DKK2: variants seen among roughly 807,000 people sequenced by gnomAD.
The protein encoded by DKK2 is dickkopf Wnt signaling pathway inhibitor 2.
Under a neutral mutation model 28.1 loss-of-function variants are expected in DKK2, and 11 were observed. The observed-to-expected ratio is 0.39, with a 90% confidence interval of 0.25 to 0.65. The LOEUF (loss-of-function observed/expected upper bound fraction) is 0.65. Among genes scored for constraint, DKK2 ranks in the 30% least tolerant of loss-of-function variants. The probability of loss-of-function intolerance (pLI) is 0.47; values close to 1 mark genes in which losing one functional copy is unlikely to be tolerated. For synonymous variants in DKK2, 135 were observed against 126.5 expected, an observed-to-expected ratio of 1.07 and a Z score of -0.45; for missense variants, 326 against 335.5, an observed-to-expected ratio of 0.97 and a Z score of 0.22.
intron 1 of DKK2, among the ~76,000 whole-genome samples, chr4:106,934,718 T>G (rs1286454189): frequency 6.6e-6 from 1 of 152,238 alleles, no homozygotes; most frequent in Non-Finnish European, 1.5e-5. Flanking sequence ...ACTCTGCTTT[T>G]GAAGAAACAG....
chr4:106,927,734 C>G (rs1418368305), intron 1 of DKK2, among the ~76,000 whole-genome samples: 2 of 152,106 alleles, frequency 1.3e-5, no homozygotes, highest in African/African-American at 2.4e-5. Flanking sequence ...GCATTTTACC[C>G]CCTTCACATT....
At chr4:107,016,819 C>T (rs1048699246) in intron 1 of DKK2, among the ~76,000 whole-genome samples, 1 of 151,750 alleles carries the variant, frequency 6.6e-6, no homozygotes, top group Non-Finnish European at 1.5e-5. Flanking sequence ...ACCATGGGTG[C>T]AGCAGGTTTG....
intron 1 of DKK2, among the ~76,000 whole-genome samples, chr4:106,993,772 T>C (rs1368034335): frequency 6.6e-6 from 1 of 152,226 alleles, no homozygotes; most frequent in Non-Finnish European, 1.5e-5. Flanking sequence ...TTATGAATGT[T>C]GTGAATAATA....
intron 1 of DKK2, among the ~76,000 whole-genome samples, chr4:106,983,888 CAAATT>C (rs1338942108): frequency 6.6e-6 from 1 of 152,066 alleles, no homozygotes; most frequent in East Asian, 1.9e-4. Context: ...TAGGGAAATG[CAAATT>C]AAAACCACAA....
chr4:106,958,852 A>AG lies in DKK2; in HGVS notation c.223-32904_223-32903insC, dbSNP rs1363764324. On this transcript the variant is annotated intron_variant, in intron 1 of 3. Coordinates refer to ENST00000285311, the MANE Select transcript of DKK2 (RefSeq NM_014421.3). ...AACTCAATCTCAAAAAAAAAAAAAA[A>AG]AAAGAAAGAAAGAAAGAAAACATAA... Among the ~76,000 whole-genome samples, 1,460 of 147,534 alleles carry AG rather than the reference A, an allele frequency of 9.9e-3. 12 individuals are homozygous for AG. Among genetic ancestry groups the AG allele is most frequent in the Middle Eastern group, 0.018 (5 of 282 alleles).
At chr4:106,990,808 C>T (rs1024568930) in intron 1 of DKK2, among the ~76,000 whole-genome samples, 21 of 151,944 alleles carry the variant, frequency 1.4e-4, no homozygotes, top group Non-Finnish European at 2.5e-4. Context: ...CCTCCTATGG[C>T]ACTGAATAGA....
chr4:106,929,764 A>G (rs922813742), intron 1 of DKK2, among the ~76,000 whole-genome samples: 1 of 152,198 alleles, frequency 6.6e-6, no homozygotes, highest in African/African-American at 2.4e-5. Context: ...TATTTTTTAA[A>G]GTCTGTTTCC....
At chr4:106,924,319 C>A in intron 3 of DKK2, 115 bp from the exon 4 acceptor site, 1 of 1,400,178 alleles carries the variant, frequency 7.1e-7, no homozygotes, top group Non-Finnish European at 9.5e-7. Flanking sequence ...ATGTTGTTAC[C>A]ATTTATAATG....
At chr4:107,007,774 G>A (rs1723457835) in intron 1 of DKK2, among the ~76,000 whole-genome samples, 1 of 152,088 alleles carries the variant, frequency 6.6e-6, no homozygotes, top group South Asian at 2.1e-4. Context: ...TGTGGCCTGG[G>A]CATTAGGTGA....
chr4:106,974,786 G>C (rs554986947), intron 1 of DKK2, among the ~76,000 whole-genome samples: 2 of 152,150 alleles, frequency 1.3e-5, no homozygotes, highest in African/African-American at 4.8e-5. Flanking sequence ...ATGTTGACTA[G>C]GAGTGGTGAG....
intron 1 of DKK2, among the ~76,000 whole-genome samples, chr4:106,940,518 A>C (rs1724678496): frequency 6.6e-6 from 1 of 150,684 alleles, no homozygotes; most frequent in Admixed American, 6.6e-5. Flanking sequence ...GTGGGACCGT[A>C]AACTAGTTCA....
intron 1 of DKK2, among the ~76,000 whole-genome samples, chr4:106,969,646 T>C (rs1332345830): frequency 3.3e-5 from 5 of 152,058 alleles, no homozygotes; most frequent in Non-Finnish European, 7.4e-5. Context: ...GCTTTTGATA[T>C]TTATTTTGAG....
chr4:106,936,967 C>T (rs899952787), intron 1 of DKK2, among the ~76,000 whole-genome samples: 3 of 151,780 alleles, frequency 2.0e-5, no homozygotes, highest in Non-Finnish European at 2.9e-5. Context: ...CTGAAGGAAG[C>T]GCTAAACATG....
intron 1 of DKK2, among the ~76,000 whole-genome samples, chr4:106,976,684 C>T (rs539905485): frequency 6.6e-6 from 1 of 152,252 alleles, no homozygotes; most frequent in East Asian, 1.9e-4. Context: ...GGTTTTGACT[C>T]TTTATCCAAT....
intron 1 of DKK2, among the ~76,000 whole-genome samples, chr4:107,034,131 A>G (rs1723921566): frequency 6.6e-6 from 1 of 152,146 alleles, no homozygotes; most frequent in Non-Finnish European, 1.5e-5. Context: ...GTAGGGGGCC[A>G]AGCCCGGGTC....
intron 1 of DKK2, among the ~76,000 whole-genome samples, chr4:106,929,686 G>C (rs1306238198): frequency 1.3e-5 from 2 of 152,034 alleles, no homozygotes; most frequent in Non-Finnish European, 2.9e-5. Context: ...ACTAAAAGAA[G>C]AAAAACACAT....
intron 1 of DKK2, among the ~76,000 whole-genome samples, chr4:106,980,532 T>A (rs568857296): frequency 3.0e-4 from 45 of 151,998 alleles, no homozygotes; most frequent in Non-Finnish European, 5.0e-4. Flanking sequence ...AGATAACTCA[T>A]CCCAAAAGTA....
intron 1 of DKK2, among the ~76,000 whole-genome samples, chr4:106,934,855 G>T (rs1235664428): frequency 6.6e-6 from 1 of 152,090 alleles, no homozygotes; most frequent in Non-Finnish European, 1.5e-5. Flanking sequence ...CATTTTAAAA[G>T]AGATACTTTA....
chr4:106,963,351 TAA>T (rs34068030), intron 1 of DKK2, among the ~76,000 whole-genome samples: 1 of 138,032 alleles, frequency 7.2e-6, no homozygotes, highest in Non-Finnish European at 1.6e-5. Flanking sequence ...AGACTCTGTC[TAA>T]AAAAAAAAAA....
Sources: allele counts gnomAD v4.1 joint callset (sites outside exome capture counted in the v4.1 genomes callset), GRCh38; gene constraint gnomAD v4.1.1; transcripts MANE v1.5; gene names NCBI Gene and HGNC (gene_info 2026-07-23, HGNC 2026-07-21).